Variants in CLGN observed in about 807,000 individuals in gnomAD.
CLGN encodes testis tissue sperm-binding protein Li 79P.
CLGN carries 62 observed loss-of-function variants against 79.1 expected under a neutral mutation model. The ratio of observed to expected loss-of-function variants is 0.78; its 90% CI spans 0.64 to 0.97. The LOEUF is 0.97. Among genes scored for constraint, CLGN ranks in the 50% least tolerant of loss-of-function variants. The pLI, the probability that CLGN is intolerant of heterozygous loss-of-function variation, is 0.00. For missense variants in CLGN, 647 were observed against 715.5 expected (o/e 0.90, Z 1.09); for synonymous variants, 225 against 224.7 (o/e 1.00, Z -0.01).
chr4:140,403,880 A>C (rs1275021174), intron 5 of CLGN, among the ~76,000 whole-genome samples: 1 of 152,208 alleles, frequency 6.6e-6, no homozygotes, highest in Non-Finnish European at 1.5e-5. Flanking sequence ...GGACATATGC[A>C]GAGTATATGG....
In CLGN at chr4:140,393,990, G is replaced by T; in HGVS notation, c.1201C>A (p.His401Asn). ...IPNPDYFEDDHPFLLTSFSAL... is the reference protein window; with the variant it reads ...IPNPDYFEDDNPFLLTSFSAL... ...CTGAAAGAAGTCAGAAGAAATGGAT[G>T]ATCATCTTCGAAATAATCTGGATTA... is the stretch of plus-strand genomic sequence containing the variant. The change falls in exon 11 of 15, where the codon CAT (histidine) becomes AAT (asparagine). Residue 401 changes from histidine to asparagine, a missense_variant. Coordinates refer to ENST00000325617, the MANE Select transcript of CLGN (RefSeq NM_004362.3). The T allele has an allele frequency of 6.2e-7, 1 of 1,613,604 alleles. No individual in the cohort carries two copies. The highest frequency in any genetic ancestry group is 1.7e-5 in the Admixed American group (1 of 60,008).
chr4:140,403,102 AT>A, intron 5 of CLGN, among the ~76,000 whole-genome samples: 1 of 152,178 alleles, frequency 6.6e-6, no homozygotes, highest in East Asian at 1.9e-4. Context: ...GAAAGGGGTG[AT>A]TTTCTCCTAT....
chr4:140,404,380 A>C (rs2126623206), intron 5 of CLGN, among the ~76,000 whole-genome samples: 1 of 152,268 alleles, frequency 6.6e-6, no homozygotes, highest in Non-Finnish European at 1.5e-5. Context: ...GGTGTGAAGC[A>C]CTGCGCCAGG....
At chr4:140,401,763 T>A (rs1243987337) in intron 6 of CLGN, among the ~76,000 whole-genome samples, 2 of 152,146 alleles carry the variant, frequency 1.3e-5, no homozygotes, top group Non-Finnish European at 2.9e-5. Flanking sequence ...CATGGTAAAC[T>A]TTTTCATGTT....
At chr4:140,391,791 CA>C (rs1728777879) in intron 13 of CLGN, among the ~76,000 whole-genome samples, 1 of 151,884 alleles carries the variant, frequency 6.6e-6, no homozygotes, top group African/African-American at 2.4e-5. Context: ...ATATGATAAG[CA>C]TCTGACTAAC....
At chr4:140,414,938 G>T (rs1318880932) in intron 1 of CLGN, among the ~76,000 whole-genome samples, 1 of 150,332 alleles carries the variant, frequency 6.7e-6, no homozygotes, top group Admixed American at 6.6e-5. Context: ...AAATGTTAAG[G>T]GCAGCCAGAG....
chr4:140,415,490 A>G (rs1241109526), intron 1 of CLGN, among the ~76,000 whole-genome samples: 2 of 152,110 alleles, frequency 1.3e-5, no homozygotes, highest in East Asian at 3.9e-4. Flanking sequence ...GGCTCCAAAT[A>G]AAAGGATGGA....
At position 140,400,563 on chromosome 4, in the gene CLGN, T is replaced by A; in HGVS notation, c.502-14A>T. 2 of 1,542,370 alleles carry A rather than the reference T, an allele frequency of 1.3e-6. No homozygotes were observed. Among genetic ancestry groups the A allele is most frequent in the East Asian group, 2.3e-5 (1 of 44,206 alleles). On this transcript the variant is annotated splice_polypyrimidine_tract_variant and intron_variant, in intron 6 of 14. Coordinates refer to ENST00000325617, the MANE Select transcript of CLGN (RefSeq NM_004362.3). ...ATAAAAGTTTTCCTTCAAAGAGAGA[T>A]GAGTGTTGGCATTAGTCCAGAATCA...
At chr4:140,402,424 T>G (rs1243242275) in intron 5 of CLGN, among the ~76,000 whole-genome samples, 1 of 151,902 alleles carries the variant, frequency 6.6e-6, no homozygotes, top group Non-Finnish European at 1.5e-5. Context: ...TACTTACACT[T>G]TATAAACTAA....
At chr4:140,401,754 A>G (rs1185810810) in intron 6 of CLGN, among the ~76,000 whole-genome samples, 1 of 152,150 alleles carries the variant, frequency 6.6e-6, no homozygotes, top group Non-Finnish European at 1.5e-5. Flanking sequence ...TCCTACAGAC[A>G]TGGTAAACTT....
Position 140,398,962 on chromosome 4 carries a change from AC to A in CLGN, c.772del (p.Val258PhefsTer46), listed in dbSNP as rs779442953. 6.2e-7 allele frequency: 1 copy of A among 1,613,894 alleles called. No individual in the cohort carries two copies. Among genetic ancestry groups the A allele is most frequent in the African/African-American group, 1.3e-5 (1 of 75,010 alleles). On this transcript the variant is annotated frameshift_variant, in exon 8 of 15. Transcript: ENST00000325617. LOFTEE classifies it high-confidence loss of function. The stretch of plus-strand genomic sequence containing the variant: ...TTCTTTGGGAGGTTTGATAGGAGGA[AC>A]CACATCCTCTAGGAGGCTTCCTTTG... ...VNKGSLLEDV[V>X]PPIKPPKEIE...
At chr4:140,409,723 T>C in intron 4 of CLGN, 114 bp downstream of exon 4, 1 of 552,610 alleles carries the variant, frequency 1.8e-6, no homozygotes, top group South Asian at 2.8e-5. Flanking sequence ...GAACATTTTA[T>C]TGTGAGGCAG....
At position 140,389,404 on chromosome 4, in the gene CLGN, T is replaced by C. The variant is rs1039110604; in HGVS notation, c.1753-100A>G. 5 of 843,088 alleles carry C rather than the reference T, an allele frequency of 5.9e-6. No homozygotes were observed. The African/African-American group carries it at 8.6e-5, about 14-fold the overall frequency. The allele number at this position is 843,088 out of a possible 1,614,324, so 52.2% of individuals were successfully genotyped here. A position where few individuals can be genotyped will look rare whatever the true frequency, so the allele number is the denominator to read the frequency against. ...ATTATTCTCTAAAATATATGTGCTA[T>C]CAATCAAGTGCTATTATGAAGGTAT... On this transcript the variant is annotated intron_variant, in intron 14 of 14. Transcript: ENST00000325617.
At chr4:140,389,766 G>A (rs1264671090) in intron 14 of CLGN, among the ~76,000 whole-genome samples, 1 of 151,786 alleles carries the variant, frequency 6.6e-6, no homozygotes, top group Admixed American at 6.6e-5. Flanking sequence ...AGGAAGACCA[G>A]CAAACAGTAT....
chr4:140,388,953 C>CCAAA lies in CLGN; in HGVS notation c.*267_*270dup, dbSNP rs1728724303. On this transcript the variant is annotated 3_prime_UTR_variant, in exon 15 of 15. Coordinates refer to ENST00000325617, the MANE Select transcript of CLGN (RefSeq NM_004362.3). Reference sequence around the variant, plus strand: ...TGTTCTGTACAAACCAAAACTATCTCCAAACAACTAAAACTGTGTAACTTC... The same window carrying CCAAA: ...TGTTCTGTACAAACCAAAACTATCTCCAAACAAACAACTAAAACTGTGTAACTTC... 2 of 363,078 alleles carry CCAAA rather than the reference C, an allele frequency of 5.5e-6. No individual in the cohort carries two copies. The highest frequency in any genetic ancestry group is 4.1e-5 in the African/African-American group (2 of 48,264). 22.5% of individuals were successfully genotyped at this position (363,078 alleles called of 1,614,324 possible). A position where few individuals can be genotyped will look rare whatever the true frequency, so the allele number is the denominator to read the frequency against.
chr4:140,391,404 T>C (rs1728770820), intron 13 of CLGN, among the ~76,000 whole-genome samples: 1 of 151,798 alleles, frequency 6.6e-6, no homozygotes. Flanking sequence ...TACTAAGCAC[T>C]AAGAAGTTAC....
intron 6 of CLGN, 135 bp downstream of exon 6, chr4:140,401,850 T>C (rs949496972): frequency 5.4e-6 from 3 of 557,248 alleles, no homozygotes; most frequent in South Asian, 2.9e-5. Context: ...AAGAGCTATG[T>C]AAATTCACAT....
chr4:140,423,254 G>A (rs559778918), intron 1 of CLGN, among the ~76,000 whole-genome samples: 87 of 152,238 alleles, frequency 5.7e-4, no homozygotes, highest in African/African-American at 1.8e-3. Context: ...ATGAAAGAGT[G>A]TTGAATCATG....
intron 4 of CLGN, among the ~76,000 whole-genome samples, chr4:140,409,164 GAGA>G (rs1467277970): frequency 6.6e-6 from 1 of 151,974 alleles, no homozygotes; most frequent in East Asian, 1.9e-4. Flanking sequence ...GAGGTCCTCT[GAGA>G]AAGAAGAAAT....
Sources: allele counts gnomAD v4.1 joint callset (sites outside exome capture counted in the v4.1 genomes callset), GRCh38; gene constraint gnomAD v4.1.1; transcripts MANE v1.5; gene names NCBI Gene and HGNC (gene_info 2026-07-23, HGNC 2026-07-21).